OSBP: variants seen among roughly 807,000 people sequenced by gnomAD.
OSBP encodes oxysterol-binding protein 1.
A neutral mutation model predicts 96.6 loss-of-function variants in OSBP; 32 were observed. That is an observed-to-expected ratio of 0.33 (90% CI 0.25 to 0.45). The LOEUF is 0.45. Ranked by LOEUF, OSBP falls within the 20% of genes least tolerant of loss-of-function variation. The pLI, the probability that OSBP is intolerant of heterozygous loss-of-function variation, is 1.00. For missense variants in OSBP, 653 were observed against 1,029.7 expected, an observed-to-expected ratio of 0.63 and a Z score of 5.01; for synonymous variants, 369 against 389.6, an observed-to-expected ratio of 0.95 and a Z score of 0.62.
chr11:59,604,537 A>G (rs539038320), intron 3 of OSBP, among the ~76,000 whole-genome samples: 1 of 152,044 alleles, frequency 6.6e-6, no homozygotes, highest in Non-Finnish European at 1.5e-5. Flanking sequence ...CCCCATCTCT[A>G]CTAAAAATAC....
At chr11:59,595,505 G>A (rs987942731) in intron 7 of OSBP, among the ~76,000 whole-genome samples, 4 of 151,896 alleles carry the variant, frequency 2.6e-5, no homozygotes, top group Non-Finnish European at 4.4e-5. Flanking sequence ...CCCACCGCCC[G>A]CTCAATCATG....
Position 59,608,588 on chromosome 11 carries a change from T to A in OSBP, c.718A>T (p.Ser240Cys). 6.2e-7 allele frequency: 1 copy of A among 1,614,186 alleles called. No individual in the cohort carries two copies. The highest frequency in any genetic ancestry group is 8.5e-7 in the Non-Finnish European group (1 of 1,180,012). Residue 240 changes from serine to cysteine, a missense_variant, in exon 3 of 14, where the codon AGT (serine) becomes TGT (cysteine). By Grantham distance (112) the Ser-to-Cys change is moderately radical. Transcript: ENST00000263847. ...KHGTALQRSL[S>C]ELESLKLPAE... Reference sequence around the variant, plus strand: ...GGCAACTTCAGGGACTCCAGCTCACTGAGAGAACGCTGCAGAGCTGTGCCA... The same window carrying A: ...GGCAACTTCAGGGACTCCAGCTCACAGAGAGAACGCTGCAGAGCTGTGCCA...
chr11:59,601,872 A>C (rs754048994), intron 3 of OSBP, 34 bp from the exon 4 acceptor site: 2 of 1,597,510 alleles, frequency 1.3e-6, no homozygotes, highest in South Asian at 2.2e-5. Context: ...TGTCAGCTCA[A>C]CTAGTCAGAG....
chr11:59,597,883 T>C (rs1435854228), intron 7 of OSBP, among the ~76,000 whole-genome samples: 1 of 152,064 alleles, frequency 6.6e-6, no homozygotes, highest in African/African-American at 2.4e-5. Context: ...TTTTTTCTAT[T>C]TTAGTAGAGA....
intron 1 of OSBP, among the ~76,000 whole-genome samples, chr11:59,611,057 C>G (rs1386934518): frequency 6.8e-6 from 1 of 147,974 alleles, no homozygotes; most frequent in East Asian, 2.0e-4. Context: ...ATCGCTTGAA[C>G]TTGAGAGGCG....
At chr11:59,585,025 A>G (rs993552530) in intron 9 of OSBP, among the ~76,000 whole-genome samples, 5 of 152,118 alleles carry the variant, frequency 3.3e-5, no homozygotes, top group East Asian at 1.9e-4. Flanking sequence ...GCCTCCCAAA[A>G]TGCCGAGATT....
intron 1 of OSBP, 115 bp from the exon 2 acceptor site, chr11:59,610,704 A>G: frequency 1.2e-6 from 1 of 802,684 alleles, no homozygotes; most frequent in South Asian, 1.6e-5. Flanking sequence ...CTTAGGAATC[A>G]GCAAGTTCTA....
rs1554980042 is a variant in OSBP at position 59,591,627 on chromosome 11, C to CA, written c.1678+1976_1678+1977insT. Reference sequence around the variant, plus strand: ...TTTTCCCCCTCAGTATTTTCTTTTCCTTTTTTTTTTTTTGAGGAGTTCTGC... The same window carrying CA: ...TTTTCCCCCTCAGTATTTTCTTTTCCATTTTTTTTTTTTTGAGGAGTTCTGC... On this transcript the variant is annotated intron_variant, in intron 9 of 13. Transcript: ENST00000263847. Among the ~76,000 whole-genome samples the CA allele has an allele frequency of 2.0e-3, 276 of 139,044 alleles. 4 individuals carry two copies. In the East Asian group the frequency reaches 0.051, roughly 26 times the overall value. 91.2% of individuals were successfully genotyped at this position (139,044 alleles called of 152,430 possible). A position where few individuals can be genotyped will look rare whatever the true frequency, so the allele number is the denominator to read the frequency against.
At chr11:59,579,788 T>A (rs999282407) in intron 11 of OSBP, among the ~76,000 whole-genome samples, 1 of 151,884 alleles carries the variant, frequency 6.6e-6, no homozygotes, top group Non-Finnish European at 1.5e-5. Context: ...GGTGCGAGAC[T>A]CACTGCAGCC....
intron 9 of OSBP, 128 bp from the exon 10 acceptor site, chr11:59,581,682 C>G (rs1460075009): frequency 1.3e-5 from 7 of 541,800 alleles, no homozygotes; most frequent in Non-Finnish European, 2.1e-5. Flanking sequence ...AACAATAAAT[C>G]AAAAAGGACT....
In OSBP at chr11:59,608,589, G is replaced by T; in HGVS notation, c.717C>A (p.Leu239=). Residue 239 remains leucine, a synonymous_variant, in exon 3 of 14, where the codon CTC becomes CTA. Transcript: ENST00000263847. ...AKHGTALQRS[L]SELESLKLPA... is the part of the protein sequence containing the mutation. The stretch of plus-strand genomic sequence containing the variant: ...GCAACTTCAGGGACTCCAGCTCACT[G>T]AGAGAACGCTGCAGAGCTGTGCCAT... 6.2e-7 allele frequency: 1 copy of T among 1,614,156 alleles called. No homozygotes were observed. The highest frequency in any genetic ancestry group is 8.5e-7 in the Non-Finnish European group (1 of 1,180,002).
At chr11:59,611,453 C>T (rs916104728) in intron 1 of OSBP, among the ~76,000 whole-genome samples, 1 of 152,156 alleles carries the variant, frequency 6.6e-6, no homozygotes, top group African/African-American at 2.4e-5. Flanking sequence ...CATCTCGCTC[C>T]CGACTGTAAC....
chr11:59,590,047 A>G (rs1281618584), intron 9 of OSBP, among the ~76,000 whole-genome samples: 1 of 152,142 alleles, frequency 6.6e-6, no homozygotes, highest in African/African-American at 2.4e-5. Flanking sequence ...AACTTCAGTT[A>G]TATTTTCTAG....
intron 12 of OSBP, 70 bp downstream of exon 12, chr11:59,578,079 A>C (rs1430270682): frequency 1.1e-5 from 16 of 1,435,544 alleles, no homozygotes. Context: ...GGGCAGGCAG[A>C]AATGCCTTCA....
At chr11:59,608,355 A>G in intron 3 of OSBP, 129 bp downstream of exon 3, 1 of 1,082,640 alleles carries the variant, frequency 9.2e-7, no homozygotes, top group African/African-American at 1.6e-5. Context: ...TGTAACTTAA[A>G]GCCCTTGACC....
intron 2 of OSBP, among the ~76,000 whole-genome samples, chr11:59,609,433 T>C (rs1860818611): frequency 6.6e-6 from 1 of 152,028 alleles, no homozygotes; most frequent in African/African-American, 2.4e-5. Flanking sequence ...GCAAAGTGCT[T>C]TTCTAGCAGT....
rs1860915947 is a variant in OSBP at position 59,615,559 on chromosome 11, G to GGCC, written c.103_105dup (p.Gly35dup). The GGCC allele has an allele frequency of 1.5e-6, 2 of 1,358,386 alleles. No individual in the cohort carries two copies. The highest frequency in any genetic ancestry group is 1.5e-5 in the African/African-American group (1 of 66,066). 84.1% of individuals were successfully genotyped at this position (1,358,386 alleles called of 1,614,324 possible). A position where few individuals can be genotyped will look rare whatever the true frequency, so the allele number is the denominator to read the frequency against. On this transcript the variant is annotated inframe_insertion, in exon 1 of 14. Coordinates refer to ENST00000263847, the MANE Select transcript of OSBP (RefSeq NM_002556.3). ...CCGGAGCCTGGCCCCGCATCTCCGCGGCCGCCGCCTCCTCCCACCACTGGG... is the reference window on the plus strand; with the variant it reads ...CCGGAGCCTGGCCCCGCATCTCCGCGGCCGCCGCCGCCTCCTCCCACCACTGGG...
At chr11:59,581,799 T>C (rs1860424666) in intron 9 of OSBP, among the ~76,000 whole-genome samples, 1 of 152,240 alleles carries the variant, frequency 6.6e-6, no homozygotes, top group Non-Finnish European at 1.5e-5. Flanking sequence ...GCAACTGATA[T>C]ACCTTAGCTA....
At chr11:59,613,206 T>C (rs565253515) in intron 1 of OSBP, among the ~76,000 whole-genome samples, 11 of 152,298 alleles carry the variant, frequency 7.2e-5, no homozygotes, top group African/African-American at 2.6e-4. Context: ...TGGATCCCGC[T>C]GGTTTGTTTA....
Sources: gnomAD v4.1 joint callset for allele counts (sites outside exome capture counted in the v4.1 genomes callset) on GRCh38, gnomAD v4.1.1 for gene constraint, MANE v1.5 for transcripts, NCBI Gene and HGNC (gene_info 2026-07-23, HGNC 2026-07-21) for gene names.